PVT1: variants seen among roughly 807,000 people sequenced by gnomAD.
PVT1 encodes Pvt1 oncogene, also known as CXCR4/PVT1 fusion.
chr8:127,817,023 C>G (rs183297133), intron 2 of PVT1, among the ~76,000 whole-genome samples: 1 of 151,800 alleles, frequency 6.6e-6, no homozygotes, highest in Admixed American at 6.6e-5. Flanking sequence ...CACCCCCTCC[C>G]GATACAAACA....
At chr8:128,093,868 C>T (rs1814393598) in intron 5 of PVT1, among the ~76,000 whole-genome samples, 1 of 152,162 alleles carries the variant, frequency 6.6e-6, no homozygotes, top group African/African-American at 2.4e-5. Context: ...AAACTCCTGA[C>T]CTCGTGATCT....
In PVT1 at chr8:127,983,694, G is replaced by A. The variant is rs143111517; in HGVS notation, n.783-5468G>A. Among the ~76,000 whole-genome samples the A allele has an allele frequency of 3.6e-3, 544 of 152,060 alleles. 4 individuals are homozygous for A. The highest frequency in any genetic ancestry group is 0.012 in the African/African-American group (501 of 41,462). On this transcript the variant is annotated intron_variant and non_coding_transcript_variant, in intron 3 of 10. Transcript: ENST00000651587. ...GGATAACGACATTCTTTTACATAACGACTGTATAATTATCAAACTCAGGAA... is the reference window on the plus strand; with the variant it reads ...GGATAACGACATTCTTTTACATAACAACTGTATAATTATCAAACTCAGGAA...
At chr8:128,062,518 G>A (rs1276850415) in intron 4 of PVT1, among the ~76,000 whole-genome samples, 1 of 152,078 alleles carries the variant, frequency 6.6e-6, no homozygotes, top group Admixed American at 6.5e-5. Context: ...ATTCACAGAA[G>A]GTGAGAACTG....
intron 2 of PVT1, among the ~76,000 whole-genome samples, chr8:127,859,951 C>T (rs1815201737): frequency 6.6e-6 from 1 of 152,058 alleles, no homozygotes; most frequent in East Asian, 1.9e-4. Context: ...TTTCGTGTGT[C>T]ATCTCCACCT....
At chr8:127,834,314 A>G (rs1814884816) in intron 2 of PVT1, among the ~76,000 whole-genome samples, 1 of 152,320 alleles carries the variant, frequency 6.6e-6, no homozygotes, top group African/African-American at 2.4e-5. Flanking sequence ...AAAACAAGCA[A>G]TGGGGAAAGA....
intron 3 of PVT1, among the ~76,000 whole-genome samples, chr8:127,961,709 A>G (rs567837400): frequency 6.6e-6 from 1 of 152,344 alleles, no homozygotes; most frequent in South Asian, 2.1e-4. Flanking sequence ...GAACAACTTG[A>G]AGGATTGTTT....
intron 2 of PVT1, among the ~76,000 whole-genome samples, chr8:127,875,528 G>C (rs997853182): frequency 2.0e-5 from 3 of 152,226 alleles, no homozygotes; most frequent in African/African-American, 7.2e-5. Flanking sequence ...GTGGCCAAGT[G>C]TGCAAAGTCA....
At chr8:127,998,569 C>G (rs1817134455) in intron 4 of PVT1, among the ~76,000 whole-genome samples, 1 of 138,870 alleles carries the variant, frequency 7.2e-6, no homozygotes, top group African/African-American at 2.8e-5. Context: ...TCCTTCCTTC[C>G]CTTCCTCCCT....
chr8:127,975,425 T>C (rs1816813221), intron 3 of PVT1, among the ~76,000 whole-genome samples: 1 of 152,232 alleles, frequency 6.6e-6, no homozygotes, highest in Non-Finnish European at 1.5e-5. Flanking sequence ...TGCCTCTGTG[T>C]GTTTACCAAC....
intron 3 of PVT1, among the ~76,000 whole-genome samples, chr8:127,962,155 C>A (rs752469251): frequency 1.3e-5 from 2 of 152,274 alleles, no homozygotes; most frequent in East Asian, 3.9e-4. Flanking sequence ...TCAGTACAGA[C>A]GGGGTTTCAC....
In PVT1 at chr8:127,831,045, T is replaced by C. The variant is rs189681178; in HGVS notation, n.372+34974T>C. 4.1e-5 allele frequency among the ~76,000 whole-genome samples: 4 copies of C among 97,340 alleles called. No homozygotes were observed. The Admixed American group carries it at 4.2e-4, about 10-fold the overall frequency. 63.9% of individuals were successfully genotyped at this position (97,340 alleles called of 152,430 possible). A position where few individuals can be genotyped will look rare whatever the true frequency, so the allele number is the denominator to read the frequency against. ...ATAAACTCCTCTTTATATACATACGTGTGTGTGTGTGTGTGTGTGTATATA... is the reference window on the plus strand; with the variant it reads ...ATAAACTCCTCTTTATATACATACGCGTGTGTGTGTGTGTGTGTGTATATA... On this transcript the variant is annotated intron_variant and non_coding_transcript_variant, in intron 2 of 10. Transcript: ENST00000651587.
intron 6 of PVT1, among the ~76,000 whole-genome samples, chr8:128,098,238 C>T (rs771959459): frequency 6.6e-6 from 1 of 152,112 alleles, no homozygotes; most frequent in Non-Finnish European, 1.5e-5. Flanking sequence ...TCTCTCATCC[C>T]CAGGAGGAGA....
At chr8:128,085,305 A>G (rs1174507578) in intron 5 of PVT1, among the ~76,000 whole-genome samples, 1 of 152,172 alleles carries the variant, frequency 6.6e-6, no homozygotes, top group East Asian at 1.9e-4. Context: ...CTACAAGGGC[A>G]TGGAAAACTC....
intron 2 of PVT1, among the ~76,000 whole-genome samples, chr8:127,850,048 A>G (rs1033619711): frequency 2.0e-5 from 3 of 151,012 alleles, no homozygotes; most frequent in African/African-American, 4.9e-5. Context: ...CAGCCTGTAC[A>G]TATGTGTATG....
chr8:127,918,394 G>A (rs1157960010), intron 3 of PVT1, among the ~76,000 whole-genome samples: 1 of 152,178 alleles, frequency 6.6e-6, no homozygotes, highest in Non-Finnish European at 1.5e-5. Context: ...CTCGGTGAAT[G>A]GAGGGCATCC....
chr8:127,839,859 C>T (rs1814953120), intron 2 of PVT1, among the ~76,000 whole-genome samples: 1 of 152,132 alleles, frequency 6.6e-6, no homozygotes, highest in Admixed American at 6.6e-5. Context: ...GGGTACCCAG[C>T]CGCTGCCATG....
At chr8:127,835,014 C>G (rs1251421731) in intron 2 of PVT1, among the ~76,000 whole-genome samples, 1 of 152,132 alleles carries the variant, frequency 6.6e-6, no homozygotes, top group African/African-American at 2.4e-5. Flanking sequence ...TAAATTAGTT[C>G]AACCATTGTG....
At chr8:128,090,074 G>A (rs950553441) in intron 5 of PVT1, among the ~76,000 whole-genome samples, 7 of 152,156 alleles carry the variant, frequency 4.6e-5, no homozygotes, top group African/African-American at 1.7e-4. Flanking sequence ...CTATGCATAG[G>A]CCTTCCCCTC....
intron 2 of PVT1, among the ~76,000 whole-genome samples, chr8:127,817,344 G>T (rs1051968606): frequency 1.4e-5 from 2 of 140,812 alleles, no homozygotes; most frequent in African/African-American, 5.3e-5. Context: ...TCTGTGAATT[G>T]AGTCTGTTAC....
Sources: allele counts gnomAD v4.1 joint callset (sites outside exome capture counted in the v4.1 genomes callset), GRCh38; gene constraint gnomAD v4.1.1; transcripts MANE v1.5; gene names NCBI Gene and HGNC (gene_info 2026-07-23, HGNC 2026-07-21).